The following P3H4 variants were observed in gnomAD, a reference collection of about 807,000 sequenced individuals.
P3H4 encodes prolyl 3-hydroxylase family member 4 (inactive), also known as endoplasmic reticulum protein SC65.
In P3H4, 47 loss-of-function variants were observed where a neutral mutation model predicts 52.9. The observed-to-expected ratio is 0.89, with a 90% CI of 0.70 to 1.13. The LOEUF (loss-of-function observed/expected upper bound fraction) is 1.13. Among genes scored for constraint, P3H4 ranks in the 50% most tolerant of loss-of-function variants. The probability of loss-of-function intolerance (pLI) is 0.00; values close to 1 mark genes in which losing one functional copy is unlikely to be tolerated. For missense variants in P3H4, 585 were observed against 611.0 expected, an observed-to-expected ratio of 0.96 and a Z score of 0.45; for synonymous variants, 256 against 267.9, an observed-to-expected ratio of 0.96 and a Z score of 0.44.
At position 41,811,897 on chromosome 17, in the gene P3H4, C is replaced by A; in HGVS notation, c.19G>T (p.Gly7Trp). The change falls in exon 1 of 8, where the codon GGG becomes TGG. Residue 7 changes from glycine to tryptophan, a missense_variant. By Grantham distance (184) the Gly-to-Trp change is radical. Transcript: ENST00000393928. The surrounding 1 kb of genome is among the most constrained non-coding windows in gnomAD (Gnocchi z 4.8). ...CTGCCCAGCAGCAACCACAGCAGCC[C>A]CCACGCCACCCGAGCCATGCCCGCC... Reference protein sequence around the residue: MARVAWGLLWLLLGSAG... With the variant: MARVAWWLLWLLLGSAG... 1.3e-6 allele frequency: 2 copies of A among 1,516,262 alleles called. No individual in the cohort carries two copies. Among genetic ancestry groups the A allele is most frequent in the Non-Finnish European group, 1.8e-6 (2 of 1,141,814 alleles). The allele number at this position is 1,516,262 out of a possible 1,614,324, so 93.9% of individuals were successfully genotyped here.
intron 6 of P3H4, among the ~76,000 whole-genome samples, chr17:41,804,117 A>C (rs1472868974): frequency 3.3e-5 from 5 of 151,954 alleles, no homozygotes. Flanking sequence ...ACTCCTGGCT[A>C]ATTTTTTGCA....
rs1555614988 is a variant in P3H4, at chr17:41,811,156, C to T, written c.591G>A (p.Thr197=). 1 of 1,614,188 alleles carries T rather than the reference C, an allele frequency of 6.2e-7. No homozygotes were observed. The change falls in exon 2 of 8, where the codon ACG becomes ACA. Residue 197 remains threonine (T), a synonymous_variant. Transcript: ENST00000393928. This position sits in a 1 kb window ranked among gnomAD's most constrained non-coding sequence, Gnocchi z 4.8. ...GMLDVADESL[T]DLEAQPYEAV... ...CCTCGTAGGGCTGGGCCTCTAGGTC[C>T]GTGAGGGACTCGTCGGCGACGTCCA...
rs1434103211 is a variant in P3H4 at position 41,811,350 on chromosome 17, G to C, written c.463-66C>G. The C allele has an allele frequency of 6.2e-7, 1 of 1,607,062 alleles. No individual in the cohort carries two copies. Among genetic ancestry groups the C allele is most frequent in the Non-Finnish European group, 8.5e-7 (1 of 1,176,036 alleles). On this transcript the variant is annotated intron_variant, in intron 1 of 7. Coordinates refer to ENST00000393928, the MANE Select transcript of P3H4 (RefSeq NM_006455.3). The surrounding 1 kb of genome is among the most constrained non-coding windows in gnomAD (Gnocchi z 4.8). Reference sequence around the variant, plus strand: ...CCGGAGCTCGCGGCCCCGAGCGCACGGCGGGCTTCGTGCCTTGGGTGAAGA... The same window carrying C: ...CCGGAGCTCGCGGCCCCGAGCGCACCGCGGGCTTCGTGCCTTGGGTGAAGA...
Position 41,802,861 on chromosome 17 carries a change from T to A in P3H4, c.*96A>T, listed in dbSNP as rs2047632043. The stretch of plus-strand genomic sequence containing the variant: ...GCCACCGCACCTGGCCCATCTTAAG[T>A]TTTTAATAAATAGTTCTTGCTGCTG... On this transcript the variant is annotated 3_prime_UTR_variant, in exon 8 of 8. Coordinates refer to ENST00000393928, the MANE Select transcript of P3H4 (RefSeq NM_006455.3). 2.2e-6 allele frequency: 3 copies of A among 1,380,924 alleles called. No individual in the cohort carries two copies. The highest frequency in any genetic ancestry group is 3.0e-6 in the Non-Finnish European group (3 of 984,818). The allele number at this position is 1,380,924 out of a possible 1,614,324, so 85.5% of individuals were successfully genotyped here. A position where few individuals can be genotyped will look rare whatever the true frequency, so the allele number is the denominator to read the frequency against.
At chr17:41,810,501 G>A (rs1057063950) in intron 3 of P3H4, among the ~76,000 whole-genome samples, 12 of 152,162 alleles carry the variant, frequency 7.9e-5, no homozygotes, top group Non-Finnish European at 7.4e-5. Flanking sequence ...CCTGCTCGAG[G>A]GACCCCAGGG....
At chr17:41,803,013 C>T in intron 7 of P3H4, 34 bp from the exon 8 acceptor site, 1 of 1,604,980 alleles carries the variant, frequency 6.2e-7, no homozygotes, top group Non-Finnish European at 8.5e-7. Flanking sequence ...TGGGGTTGCT[C>T]CCCCACCCAC....
chr17:41,809,827 A>T lies in P3H4; in HGVS notation c.795T>A (p.Phe265Leu). The T allele has an allele frequency of 6.2e-7, 1 of 1,611,690 alleles. No homozygotes were observed. Among genetic ancestry groups the T allele is most frequent in the Non-Finnish European group, 8.5e-7 (1 of 1,178,612 alleles). Residue 265 changes from phenylalanine (F) to leucine (L), a missense_variant, in exon 4 of 8, where the codon TTT becomes TTA. Transcript: ENST00000393928. ...KDFYPAIADLFAESLQCKVDC... is the reference protein window; with the variant it reads ...KDFYPAIADLLAESLQCKVDC... The stretch of plus-strand genomic sequence containing the variant: ...CCACCTTGCACTGCAGGGACTCTGC[A>T]AAGAGATCTGAGGGTGGGAGGCAGC...
chr17:41,805,220 C>T (rs1465378234), intron 6 of P3H4, among the ~76,000 whole-genome samples: 2 of 147,218 alleles, frequency 1.4e-5, no homozygotes, highest in African/African-American at 5.0e-5. Flanking sequence ...ACCTGGGAGG[C>T]GGAGCTTGCA....
chr17:41,811,778 C>G lies in P3H4; in HGVS notation c.138G>C (p.Gln46His). The change falls in exon 1 of 8, where the codon CAG becomes CAC. Residue 46 changes from glutamine (Q) to histidine (H), a missense_variant. Gln to His is a conservative substitution (Grantham distance 24). Transcript: ENST00000393928. The surrounding 1 kb of genome is among the most constrained non-coding windows in gnomAD (Gnocchi z 4.8). ...LAAAYGHALE[Q>H]YEGESWRESA... The stretch of plus-strand genomic sequence containing the variant: ...TCTCGCGCCAGCTCTCTCCCTCGTA[C>G]TGCTCCAGAGCGTGCCCGTACGCCG... 2.0e-6 allele frequency: 3 copies of G among 1,533,288 alleles called. No homozygotes were observed. The highest frequency in any genetic ancestry group is 2.6e-6 in the Non-Finnish European group (3 of 1,151,966). The allele number at this position is 1,533,288 out of a possible 1,614,324, so 95.0% of individuals were successfully genotyped here.
Position 41,806,814 on chromosome 17 carries a change from G to A in P3H4, c.1128C>T (p.Tyr376=). The change falls in exon 6 of 8, where the codon TAC becomes TAT. Residue 376 remains tyrosine (Y), a synonymous_variant. Coordinates refer to ENST00000393928, the MANE Select transcript of P3H4 (RefSeq NM_006455.3). ...CACTCACCTCATCATCTGACTGCAGGTACATGTGGGTGAACTCCAGCAGCT... is the reference window on the plus strand; with the variant it reads ...CACTCACCTCATCATCTGACTGCAGATACATGTGGGTGAACTCCAGCAGCT... ...LRELLEFTHM[Y]LQSDDEMELE... 4 of 1,613,748 alleles carry A rather than the reference G, an allele frequency of 2.5e-6. No homozygotes were observed. Among genetic ancestry groups the A allele is most frequent in the Non-Finnish European group, 3.4e-6 (4 of 1,179,832 alleles).
At chr17:41,806,649 A>C in intron 6 of P3H4, 147 bp downstream of exon 6, 2 of 648,016 alleles carry the variant, frequency 3.1e-6, no homozygotes. Flanking sequence ...AGGAACGGAC[A>C]GTCTAGACAA....
chr17:41,810,709 G>A (rs1300835521), intron 3 of P3H4, 154 bp downstream of exon 3: 28 of 925,496 alleles, frequency 3.0e-5, no homozygotes, highest in Middle Eastern at 2.9e-4. Flanking sequence ...CTCCCAGCTG[G>A]GGCCCCTGCA....
chr17:41,808,703 C>T (rs1240921607), intron 4 of P3H4, among the ~76,000 whole-genome samples: 1 of 152,160 alleles, frequency 6.6e-6, no homozygotes, highest in African/African-American at 2.4e-5. Context: ...CTACCTATTA[C>T]TGTCATCCCC....
chr17:41,809,886 T>C (rs1555614720), intron 3 of P3H4, 52 bp from the exon 4 acceptor site: 3 of 1,583,338 alleles, frequency 1.9e-6, no homozygotes, highest in Non-Finnish European at 1.7e-6. Flanking sequence ...AACATCTCCG[T>C]CCCCCCAGTG....
At chr17:41,810,588 G>A (rs782103652) in intron 3 of P3H4, 12 of 438,662 alleles carry the variant, frequency 2.7e-5, no homozygotes, top group African/African-American at 4.0e-5. Context: ...ACTTCTCACC[G>A]CTGCACCTTT....
chr17:41,804,633 A>C (rs1265947817), intron 6 of P3H4, among the ~76,000 whole-genome samples: 1 of 151,402 alleles, frequency 6.6e-6, no homozygotes, highest in African/African-American at 2.4e-5. Flanking sequence ...GCTGTCATTC[A>C]CTGTGCACCT....
In P3H4 at chr17:41,805,638, T is replaced by C. The variant is rs548379648; in HGVS notation, c.1146+1158A>G. 2.2e-3 allele frequency among the ~76,000 whole-genome samples: 329 copies of C among 152,264 alleles called. 1 individual carries two copies. The highest frequency in any genetic ancestry group is 3.8e-3 in the Non-Finnish European group (257 of 68,022). ...CCATACCCGGCCAGATCTTGTGTTA[T>C]TCTCACCACAACAATGTGAGATGGG... On this transcript the variant is annotated intron_variant, in intron 6 of 7. Coordinates refer to ENST00000393928, the MANE Select transcript of P3H4 (RefSeq NM_006455.3).
chr17:41,808,777 G>A (rs1379088192), intron 4 of P3H4, among the ~76,000 whole-genome samples: 1 of 152,166 alleles, frequency 6.6e-6, no homozygotes, highest in Non-Finnish European at 1.5e-5. Context: ...TCACACAGCT[G>A]GAGAATGATG....
At position 41,810,874 on chromosome 17, in the gene P3H4, G is replaced by T. The variant is rs528768906; in HGVS notation, c.776C>A (p.Pro259Gln). The T allele has an allele frequency of 6.2e-7, 1 of 1,613,434 alleles. No homozygotes were observed. ...TGGGTGGCAGATACCTGCTATGGCC[G>T]GGTAGAAGTCCTTGAAGTCCACCTG... Reference protein sequence around the residue: ...HEQVDFKDFYPAIADLFAESL... With the variant: ...HEQVDFKDFYQAIADLFAESL... The change falls in exon 3 of 8, where the codon CCG becomes CAG. Residue 259 changes from proline to glutamine, a missense_variant. Physicochemically the swap from Pro to Gln is moderately conservative, Grantham distance 76 (BLOSUM62 -1). Transcript: ENST00000393928.
Sources: allele counts gnomAD v4.1 joint callset (sites outside exome capture counted in the v4.1 genomes callset), GRCh38; gene constraint gnomAD v4.1.1; non-coding constraint Gnocchi (gnomAD v3.1); transcripts MANE v1.5; gene names NCBI Gene and HGNC (gene_info 2026-07-23, HGNC 2026-07-21).